Variants in HACD2 observed in about 807,000 individuals in gnomAD.
The protein encoded by HACD2 is very-long-chain (3R)-3-hydroxyacyl-CoA dehydratase 2.
HACD2 carries 15 observed loss-of-function variants against 31.0 expected under a neutral mutation model. The ratio of observed to expected loss-of-function variants is 0.48; its 90% CI spans 0.32 to 0.75. HACD2 has a LOEUF of 0.75. Among genes scored for constraint, HACD2 ranks in the 30% least tolerant of loss-of-function variants. The probability of loss-of-function intolerance (pLI) is 0.03; values close to 1 mark genes in which losing one functional copy is unlikely to be tolerated. For synonymous variants in HACD2, 115 were observed against 122.2 expected (o/e 0.94, Z 0.39); for missense variants, 283 against 313.0 (o/e 0.90, Z 0.72).
At chr3:123,534,733 G>A (rs1340377773) in intron 3 of HACD2, among the ~76,000 whole-genome samples, 2 of 151,848 alleles carry the variant, frequency 1.3e-5, no homozygotes, top group East Asian at 3.9e-4. Context: ...AGACCTTAAA[G>A]TGGGACACGA....
chr3:123,519,560 A>T (rs2056187484), intron 4 of HACD2, among the ~76,000 whole-genome samples: 1 of 152,224 alleles, frequency 6.6e-6, no homozygotes, highest in Admixed American at 6.5e-5. Flanking sequence ...GAGATCAGTT[A>T]CCTGACTGAA....
At chr3:123,517,461 C>A (rs771443454) in intron 4 of HACD2, among the ~76,000 whole-genome samples, 9 of 152,190 alleles carry the variant, frequency 5.9e-5, no homozygotes, top group Non-Finnish European at 1.0e-4. Flanking sequence ...TATTTAATCC[C>A]AACCTTCATC....
At chr3:123,549,830 A>T (rs1484806224) in intron 3 of HACD2, among the ~76,000 whole-genome samples, 1 of 152,062 alleles carries the variant, frequency 6.6e-6, no homozygotes. Context: ...CTTCTTCCTG[A>T]TCATTCAGAT....
At chr3:123,568,594 G>A (rs531759829) in intron 2 of HACD2, among the ~76,000 whole-genome samples, 44 of 152,050 alleles carry the variant, frequency 2.9e-4, no homozygotes, top group Non-Finnish European at 5.6e-4. Context: ...CCATCTCAAT[G>A]GCCATCCAAC....
At chr3:123,536,708 A>C (rs1370252806) in intron 3 of HACD2, among the ~76,000 whole-genome samples, 2 of 152,190 alleles carry the variant, frequency 1.3e-5, no homozygotes, top group Admixed American at 6.5e-5. Context: ...CAGACCAAAA[A>C]AATTACCTAT....
intron 1 of HACD2, 27 bp from the exon 2 acceptor site, chr3:123,582,356 G>A (rs757792781): frequency 8.8e-6 from 13 of 1,469,128 alleles, no homozygotes; most frequent in Non-Finnish European, 1.2e-5. Flanking sequence ...CAGCAATCAG[G>A]AAAAAATAAA....
intron 4 of HACD2, among the ~76,000 whole-genome samples, chr3:123,512,800 A>G (rs1405146348): frequency 6.6e-6 from 1 of 152,206 alleles, no homozygotes. Flanking sequence ...CAGCTATATA[A>G]ATACTTCCAG....
At position 123,562,376 on chromosome 3, in the gene HACD2, G is replaced by A. The variant is rs143396799; in HGVS notation, c.292+5386C>T. Among the ~76,000 whole-genome samples, 48 of 152,218 alleles carry A rather than the reference G, an allele frequency of 3.2e-4. No homozygotes were observed. The East Asian group carries it at 9.1e-3, about 29-fold the overall frequency. On this transcript the variant is annotated intron_variant, in intron 3 of 6. Transcript: ENST00000383657. Reference sequence around the variant, plus strand: ...GCATTGTCACAACCGTGAGCAAGACGCAACCCCAACTCATACTAAGAATGA... The same window carrying A: ...GCATTGTCACAACCGTGAGCAAGACACAACCCCAACTCATACTAAGAATGA...
chr3:123,584,649 G>A (rs2057006033), intron 1 of HACD2: 1 of 362,416 alleles, frequency 2.8e-6, no homozygotes. Context: ...CCCAGTGCCT[G>A]GGAACTTGGC....
At position 123,528,355 on chromosome 3, in the gene HACD2, T is replaced by C. The variant is rs753653383; in HGVS notation, c.381+31A>G. The C allele has an allele frequency of 3.1e-6, 4 of 1,295,120 alleles. No homozygotes were observed. The South Asian group carries it at 3.6e-5, about 12-fold the overall frequency. The allele number at this position is 1,295,120 out of a possible 1,614,324, so 80.2% of individuals were successfully genotyped here. Reference sequence around the variant, plus strand: ...AAAGTTGACTAGTGTTTGTTAGTGTTGACATTATTTTGGTCTATATAAACA... The same window carrying C: ...AAAGTTGACTAGTGTTTGTTAGTGTCGACATTATTTTGGTCTATATAAACA... On this transcript the variant is annotated intron_variant, in intron 4 of 6. Coordinates refer to ENST00000383657, the MANE Select transcript of HACD2 (RefSeq NM_198402.5).
chr3:123,502,378 C>T (rs2055912963), intron 5 of HACD2, among the ~76,000 whole-genome samples, 182 bp downstream of exon 5: 1 of 152,086 alleles, frequency 6.6e-6, no homozygotes, highest in Non-Finnish European at 1.5e-5. Flanking sequence ...AACCTTAAAA[C>T]AGTATTTCCG....
At chr3:123,551,152 T>C (rs375014468) in intron 3 of HACD2, among the ~76,000 whole-genome samples, 2 of 152,278 alleles carry the variant, frequency 1.3e-5, no homozygotes. Context: ...GTGGCCTTCC[T>C]TCTGTGTTCC....
chr3:123,511,496 T>C (rs114912710), intron 4 of HACD2, among the ~76,000 whole-genome samples: 1,729 of 152,292 alleles, frequency 0.011, 31 homozygotes, highest in African/African-American at 0.038. Context: ...AGAAAGCCAT[T>C]AGTCCTCCAA....
At chr3:123,500,393 G>C (rs1019377998) in intron 6 of HACD2, 122 bp downstream of exon 6, 3 of 694,944 alleles carry the variant, frequency 4.3e-6, no homozygotes, top group Non-Finnish European at 7.0e-6. Context: ...TAAAAACCAA[G>C]AATTCCCAAT....
chr3:123,565,766 C>T (rs570758394), intron 3 of HACD2, among the ~76,000 whole-genome samples: 1 of 152,194 alleles, frequency 6.6e-6, no homozygotes, highest in South Asian at 2.1e-4. Flanking sequence ...GGTTCCAGAA[C>T]TCTCTCTGGC....
chr3:123,499,722 G>T (rs2055880037), intron 6 of HACD2: 2 of 449,976 alleles, frequency 4.4e-6, no homozygotes, highest in Middle Eastern at 3.3e-4. Flanking sequence ...ATAGCAAAAT[G>T]AGAAGAACCA....
At chr3:123,563,171 G>T (rs143626211) in intron 3 of HACD2, among the ~76,000 whole-genome samples, 1 of 152,178 alleles carries the variant, frequency 6.6e-6, no homozygotes, top group Non-Finnish European at 1.5e-5. Flanking sequence ...ACATGGGTGC[G>T]GTGTCAGACC....
chr3:123,557,403 T>C (rs1350083907), intron 3 of HACD2, among the ~76,000 whole-genome samples: 2 of 152,172 alleles, frequency 1.3e-5, no homozygotes, highest in Non-Finnish European at 2.9e-5. Flanking sequence ...AAAGATACTT[T>C]ACCAGGCTGA....
intron 3 of HACD2, among the ~76,000 whole-genome samples, chr3:123,553,498 G>A (rs2056641175): frequency 1.3e-5 from 2 of 152,204 alleles, no homozygotes; most frequent in Admixed American, 6.5e-5. Context: ...ATTCTGCCAT[G>A]GGCCCTGGGC....
Sources: allele counts gnomAD v4.1 joint callset (sites outside exome capture counted in the v4.1 genomes callset), GRCh38; gene constraint gnomAD v4.1.1; transcripts MANE v1.5; gene names NCBI Gene and HGNC (gene_info 2026-07-23, HGNC 2026-07-21).